The following COQ3 variants were observed in gnomAD, a reference collection of about 807,000 sequenced individuals.
COQ3 encodes the protein coenzyme Q3, methyltransferase.
A neutral mutation model predicts 33.1 loss-of-function variants in COQ3; 29 were observed. The observed-to-expected ratio is 0.88, with a 90% CI of 0.65 to 1.19. COQ3 has a LOEUF of 1.19. COQ3 is among the 50% of genes most tolerant of loss of function. The probability of loss-of-function intolerance (pLI) is 0.00; values close to 1 mark genes in which losing one functional copy is unlikely to be tolerated. For synonymous variants in COQ3, 173 were observed against 157.8 expected (o/e 1.10, Z -0.72); for missense variants, 437 against 430.7 (o/e 1.01, Z -0.13).
intron 1 of COQ3, among the ~76,000 whole-genome samples, chr6:99,388,020 C>T (rs915807648): frequency 2.8e-4 from 42 of 152,038 alleles, no homozygotes; most frequent in Non-Finnish European, 4.1e-4. Context: ...CAAAATTAGC[C>T]GGGCATAGTG....
chr6:99,370,235 A>C (rs1048880371), intron 6 of COQ3, among the ~76,000 whole-genome samples: 1 of 152,178 alleles, frequency 6.6e-6, no homozygotes, highest in Non-Finnish European at 1.5e-5. Context: ...GTACTCAATA[A>C]ATGTTAGCTG....
At chr6:99,389,272 C>A (rs1000228330) in intron 1 of COQ3, among the ~76,000 whole-genome samples, 1 of 152,074 alleles carries the variant, frequency 6.6e-6, no homozygotes, top group African/African-American at 2.4e-5. Context: ...CAGGTGCACA[C>A]GCCACCATGC....
chr6:99,377,934 C>A (rs1006471975), intron 3 of COQ3, among the ~76,000 whole-genome samples: 2 of 151,384 alleles, frequency 1.3e-5, no homozygotes, highest in African/African-American at 4.9e-5. Context: ...AATAAAATTT[C>A]TTTTAATCTT....
chr6:99,372,442 C>G (rs1414717410), intron 5 of COQ3, among the ~76,000 whole-genome samples: 1 of 152,192 alleles, frequency 6.6e-6, no homozygotes, highest in African/African-American at 2.4e-5. Context: ...CTTTGAGACA[C>G]AGTCTTGCTC....
At chr6:99,375,252 G>A (rs1412574414) in intron 5 of COQ3, among the ~76,000 whole-genome samples, 1 of 152,012 alleles carries the variant, frequency 6.6e-6, no homozygotes, top group African/African-American at 2.4e-5. Flanking sequence ...ACAGGTGTGA[G>A]CCACTGTGCC....
intron 1 of COQ3, among the ~76,000 whole-genome samples, chr6:99,387,362 G>C (rs1237405342): frequency 9.2e-5 from 14 of 152,094 alleles, no homozygotes; most frequent in Admixed American, 1.3e-4. Flanking sequence ...GAGATGGGAA[G>C]ACTGTTTGAG....
intron 3 of COQ3, 23 bp from the exon 4 acceptor site, chr6:99,377,508 T>A (rs772408736): frequency 1.3e-6 from 2 of 1,515,036 alleles, no homozygotes; most frequent in Middle Eastern, 1.7e-4. Context: ...ATTCAAAACA[T>A]ACCAAAACAA....
intron 1 of COQ3, among the ~76,000 whole-genome samples, chr6:99,392,257 T>C (rs1430202822): frequency 6.6e-6 from 1 of 152,208 alleles, no homozygotes; most frequent in Non-Finnish European, 1.5e-5. Context: ...GACAGACTTT[T>C]ACCCTACCAA....
chr6:99,386,290 C>T (rs1176970553), intron 1 of COQ3, among the ~76,000 whole-genome samples: 1 of 151,624 alleles, frequency 6.6e-6, no homozygotes, highest in Admixed American at 6.6e-5. Flanking sequence ...ATTAGCCAGG[C>T]ATGGTGGCAC....
chr6:99,386,745 T>G (rs1425202111), intron 1 of COQ3, among the ~76,000 whole-genome samples: 1 of 152,174 alleles, frequency 6.6e-6, no homozygotes, highest in South Asian at 2.1e-4. Flanking sequence ...AAAATTCATA[T>G]AGAGAGCCTG....
intron 3 of COQ3, among the ~76,000 whole-genome samples, chr6:99,378,155 TATTTAG>T (rs1774360231): frequency 4.0e-5 from 1 of 24,718 alleles, no homozygotes; most frequent in Non-Finnish European, 1.0e-4. Flanking sequence ...TATATATATA[TATTTAG>T]AGAGAGAGAG....
At chr6:99,372,607 G>C (rs201481634) in intron 5 of COQ3, among the ~76,000 whole-genome samples, 1 of 151,920 alleles carries the variant, frequency 6.6e-6, no homozygotes, top group Non-Finnish European at 1.5e-5. Context: ...TAGTAGAGAC[G>C]GGGTTTCACC....
chr6:99,376,063 C>T lies in COQ3; in HGVS notation c.606G>A (p.Val202=), dbSNP rs1257241773. The T allele has an allele frequency of 1.2e-6, 2 of 1,614,132 alleles. No individual in the cohort carries two copies. The highest frequency in any genetic ancestry group is 2.2e-5 in the East Asian group (1 of 44,884). Residue 202 remains valine, a synonymous_variant, in exon 5 of 7, where the codon GTG becomes GTA. Coordinates refer to ENST00000254759, the MANE Select transcript of COQ3 (RefSeq NM_017421.4). The part of the protein sequence containing the change: ...PVLDKRIEYR[V]CSLEEIVEET... ...CTTCCACAATCTCTTCCAGGGAACA[C>T]ACTCTGTACTCTATTCTCTTATCCA...
chr6:99,378,574 C>T (rs866246868), intron 3 of COQ3, among the ~76,000 whole-genome samples: 1 of 152,096 alleles, frequency 6.6e-6, no homozygotes, highest in Admixed American at 6.6e-5. Flanking sequence ...ATCAGAATCA[C>T]GTAAAGTTTG....
chr6:99,385,604 AT>A (rs1460727868), intron 1 of COQ3, among the ~76,000 whole-genome samples: 1 of 152,240 alleles, frequency 6.6e-6, no homozygotes, highest in Non-Finnish European at 1.5e-5. Context: ...TGTACTACAT[AT>A]AAAAATCAGC....
At chr6:99,390,340 T>A (rs1007807225) in intron 1 of COQ3, among the ~76,000 whole-genome samples, 16 of 151,164 alleles carry the variant, frequency 1.1e-4, no homozygotes, top group Middle Eastern at 3.4e-3. Flanking sequence ...TAAACTTTTT[T>A]TTTTTTTTTT....
chr6:99,372,337 G>A (rs1402455040), intron 5 of COQ3, among the ~76,000 whole-genome samples: 1 of 151,828 alleles, frequency 6.6e-6, no homozygotes, highest in East Asian at 1.9e-4. Flanking sequence ...CACAGGAGGT[G>A]GAGGTTGCAG....
rs562096103 is a variant in COQ3, at chr6:99,383,709, T to C, written c.222A>G (p.Ile74Met). 3.7e-4 allele frequency: 580 copies of C among 1,584,502 alleles called. 9 individuals carry two copies. The South Asian group carries it at 6.7e-3, about 18-fold the overall frequency. Residue 74 changes from isoleucine to methionine, a missense_variant, in exon 2 of 7, where the codon ATA becomes ATG. Physicochemically the swap from Ile to Met is conservative, Grantham distance 10 (BLOSUM62 1). Coordinates refer to ENST00000254759, the MANE Select transcript of COQ3 (RefSeq NM_017421.4). The stretch of plus-strand genomic sequence containing the variant: ...AATAATAAACCCACCTGAAACTCTT[T>C]ATTCTGTTCAAACAGGAAAAGATCG... ...YRTIFSCLNR[I>M]KSFRYPWARL...
intron 1 of COQ3, among the ~76,000 whole-genome samples, chr6:99,389,617 A>G (rs148064033): frequency 1.3e-3 from 195 of 152,316 alleles, no homozygotes; most frequent in African/African-American, 4.3e-3. Context: ...TTTTATACAT[A>G]TGCAATCATT....
Sources: allele counts gnomAD v4.1 joint callset (sites outside exome capture counted in the v4.1 genomes callset), GRCh38; gene constraint gnomAD v4.1.1; transcripts MANE v1.5; gene names NCBI Gene and HGNC (gene_info 2026-07-23, HGNC 2026-07-21).